Variants in FAAP20 observed in about 807,000 individuals in gnomAD.
FAAP20 encodes the protein Fanconi anemia core complex-associated protein 20.
In FAAP20, 12 loss-of-function variants were observed where a neutral mutation model predicts 16.2. The observed-to-expected ratio is 0.74, with a 90% confidence interval of 0.48 to 1.20. The LOEUF (loss-of-function observed/expected upper bound fraction) is 1.20, where lower values mean the gene tolerates loss of function less well. Among genes scored for constraint, FAAP20 ranks in the 50% most tolerant of loss-of-function variants. The pLI, the probability that FAAP20 is intolerant of heterozygous loss-of-function variation, is 0.00. For synonymous variants in FAAP20, 141 were observed against 110.7 expected, an observed-to-expected ratio of 1.27 and a Z score of -1.72; for missense variants, 288 against 245.8, an observed-to-expected ratio of 1.17 and a Z score of -1.15.
downstream of FAAP20, chr1:2,185,988 C>T: frequency 2.6e-6 from 1 of 391,984 alleles, no homozygotes; most frequent in Middle Eastern, 3.6e-4. Flanking sequence ...CACACCCGCG[C>T]TCTCCGTCCA....
upstream of FAAP20, among the ~76,000 whole-genome samples, chr1:2,202,486 C>T (rs1189930334): frequency 6.6e-6 from 1 of 152,062 alleles, no homozygotes; most frequent in Non-Finnish European, 1.5e-5. Flanking sequence ...TTTATTGAGA[C>T]AGAGTCTCCC....
downstream of FAAP20, among the ~76,000 whole-genome samples, chr1:2,211,293 G>C (rs551741084): frequency 2.3e-5 from 3 of 131,726 alleles, no homozygotes; most frequent in Admixed American, 7.9e-5. Flanking sequence ...GCAGTCGCGC[G>C]ATCTCGGCTC....
chr1:2,198,827 C>T, upstream of FAAP20: 1 of 1,289,792 alleles, frequency 7.8e-7, no homozygotes, highest in Non-Finnish European at 1.0e-6. Context: ...CTCCACCACA[C>T]CTGCTGGCCC....
downstream of FAAP20, among the ~76,000 whole-genome samples, chr1:2,188,974 C>T (rs1255074314): frequency 1.4e-5 from 2 of 143,468 alleles, no homozygotes; most frequent in African/African-American, 5.3e-5. Context: ...CACTGCACTC[C>T]AGCCTGGGCG....
At chr1:2,192,142 C>T (rs187956089) in intron 3 of FAAP20, 39 of 985,658 alleles carry the variant, frequency 4.0e-5, no homozygotes, top group African/African-American at 3.1e-4. Flanking sequence ...CCAATCCAGG[C>T]GGCCTCCCTG....
At chr1:2,199,440 C>T (rs963260213), upstream of FAAP20, 1 of 1,003,348 alleles carries the variant, frequency 1.0e-6, no homozygotes, top group African/African-American at 1.7e-5. The surrounding 1 kb of genome is among the most constrained non-coding windows in gnomAD (Gnocchi z 4.5). Flanking sequence ...CTCCACCCCA[C>T]TGCCCTGCTG....
At chr1:2,203,145 G>A (rs1689112263), upstream of FAAP20, among the ~76,000 whole-genome samples, 1 of 152,254 alleles carries the variant, frequency 6.6e-6, no homozygotes, top group Non-Finnish European at 1.5e-5. Flanking sequence ...CCAGGGTCCC[G>A]AGGCCCCAGG....
At chr1:2,208,753 G>A (rs1187920271), downstream of FAAP20, among the ~76,000 whole-genome samples, 1 of 152,250 alleles carries the variant, frequency 6.6e-6, no homozygotes, top group Non-Finnish European at 1.5e-5. Context: ...GGGCCCCAGA[G>A]GGGTTTGGGC....
Position 2,193,727 on chromosome 1 carries a change from T to C in FAAP20, c.382A>G (p.Arg128Gly). 6.3e-7 allele frequency: 1 copy of C among 1,592,284 alleles called. No homozygotes were observed. The highest frequency in any genetic ancestry group is 8.5e-7 in the Non-Finnish European group (1 of 1,173,092). Residue 128 changes from arginine to glycine, a missense_variant, in exon 3 of 4, where the codon AGG becomes GGG. Coordinates refer to ENST00000378546, the MANE Select transcript of FAAP20 (RefSeq NM_182533.4). ...GGCTGCTGCTCCACCCTGGGGGCCC[T>C]GCAGGGATCAGGTGCCGGGCGCTGG... ...LPQRPAPDPC[R>G]APRVEQQPSV...
chr1:2,195,877 C>T (rs1688796157), upstream of FAAP20, among the ~76,000 whole-genome samples: 1 of 152,234 alleles, frequency 6.6e-6, no homozygotes, highest in African/African-American at 2.4e-5. Flanking sequence ...TGGAGGCCCC[C>T]AGCAGAACAA....
chr1:2,205,074 TC>T (rs1236575357), intron 3 of FAAP20, among the ~76,000 whole-genome samples: 1 of 10,316 alleles, frequency 9.7e-5, no homozygotes, highest in Non-Finnish European at 1.9e-4. Context: ...GCCCCGCCCT[TC>T]CCCCGGGCTC....
At chr1:2,211,900 C>CTTG (rs1689458133), downstream of FAAP20, among the ~76,000 whole-genome samples, 2 of 99,014 alleles carry the variant, frequency 2.0e-5, no homozygotes, top group African/African-American at 1.0e-4. Context: ...CAAGCTGCTG[C>CTTG]TTTTTTTTTT....
chr1:2,188,907 A>G (rs540514971), downstream of FAAP20, among the ~76,000 whole-genome samples: 14 of 150,788 alleles, frequency 9.3e-5, no homozygotes, highest in South Asian at 1.7e-3. Context: ...CGGGAGGCTG[A>G]GGCAGGAGAA....
intron 3 of FAAP20, 192 bp from the exon 4 acceptor site, chr1:2,189,973 C>T: frequency 1.6e-6 from 1 of 632,214 alleles, no homozygotes; most frequent in South Asian, 1.8e-5. Context: ...TGTTTCCACA[C>T]CGTGCCCGTG....
chr1:2,191,945 A>G (rs1688280187), intron 3 of FAAP20: 1 of 985,350 alleles, frequency 1.0e-6, no homozygotes, highest in Non-Finnish European at 1.2e-6. Flanking sequence ...CATTCTACAT[A>G]GTTTGTCAAA....
downstream of FAAP20, among the ~76,000 whole-genome samples, chr1:2,188,673 A>T (rs180892991): frequency 1.0e-3 from 154 of 152,308 alleles, no homozygotes; most frequent in Admixed American, 5.6e-3. Context: ...TTTCCTTTTC[A>T]TAACTAGCTG....
downstream of FAAP20, chr1:2,189,415 C>G: frequency 2.1e-6 from 1 of 484,282 alleles, no homozygotes; most frequent in South Asian, 2.3e-5. Flanking sequence ...GAGCTACCCT[C>G]AGCCCGTCCG....
upstream of FAAP20, chr1:2,198,775 A>T: frequency 7.8e-7 from 1 of 1,288,794 alleles, no homozygotes. Flanking sequence ...GACAGCCAAA[A>T]GGCCCGGGCA....
Position 2,193,627 on chromosome 1 carries a change from T to TGGCCTACTCACCTGGGGGC in FAAP20, c.463_470+11dup. On this transcript the variant is annotated intron_variant, in intron 3 of 3. Transcript: ENST00000378546. Reference sequence around the variant, plus strand: ...TGGATAACCGGGCCGGGCGCAGGGGTGGCCTACTCACCTGGGGGCGAACTC... The same window carrying TGGCCTACTCACCTGGGGGC: ...TGGATAACCGGGCCGGGCGCAGGGGTGGCCTACTCACCTGGGGGCGGCCTACTCACCTGGGGGCGAACTC... 1 of 1,590,796 alleles carries TGGCCTACTCACCTGGGGGC rather than the reference T, an allele frequency of 6.3e-7. No individual in the cohort carries two copies. Among genetic ancestry groups the TGGCCTACTCACCTGGGGGC allele is most frequent in the South Asian group, 1.1e-5 (1 of 88,714 alleles).
Sources: allele counts gnomAD v4.1 joint callset (sites outside exome capture counted in the v4.1 genomes callset), GRCh38; gene constraint gnomAD v4.1.1; non-coding constraint Gnocchi (gnomAD v3.1); transcripts MANE v1.5; gene names NCBI Gene and HGNC (gene_info 2026-07-23, HGNC 2026-07-21).